The following CCDC178 variants were observed in gnomAD, a reference collection of about 807,000 sequenced individuals.
The protein encoded by CCDC178 is coiled-coil domain containing 178.
Under a neutral mutation model 117.4 loss-of-function variants are expected in CCDC178, and 126 were observed. The ratio of observed to expected loss-of-function variants is 1.07; its 90% CI spans 0.93 to 1.24. CCDC178 has a LOEUF of 1.24. Among genes scored for constraint, CCDC178 ranks in the 50% most tolerant of loss-of-function variants. CCDC178 has a pLI of 0.00. For missense variants in CCDC178, 1,030 were observed against 986.9 expected, an observed-to-expected ratio of 1.04 and a Z score of -0.59; for synonymous variants, 283 against 313.4, an observed-to-expected ratio of 0.90 and a Z score of 1.02.
intron 2 of CCDC178, among the ~76,000 whole-genome samples, chr18:33,416,352 A>G (rs1321345802): frequency 6.6e-6 from 1 of 151,928 alleles, no homozygotes; most frequent in African/African-American, 2.4e-5. Flanking sequence ...GCGTGAACCC[A>G]GACGGCGGAG....
chr18:33,242,407 A>T (rs1405022468), intron 15 of CCDC178, among the ~76,000 whole-genome samples: 3 of 151,890 alleles, frequency 2.0e-5, no homozygotes, highest in Non-Finnish European at 4.4e-5. Flanking sequence ...AACAAATTAC[A>T]TTATATTTAA....
At chr18:33,063,260 T>C (rs2056957746) in intron 21 of CCDC178, among the ~76,000 whole-genome samples, 1 of 152,106 alleles carries the variant, frequency 6.6e-6, no homozygotes, top group Non-Finnish European at 1.5e-5. Flanking sequence ...CCTCTCTGCC[T>C]ATCACCATGG....
At chr18:33,427,158 A>C (rs950601208) in intron 2 of CCDC178, among the ~76,000 whole-genome samples, 29 of 152,242 alleles carry the variant, frequency 1.9e-4, no homozygotes, top group African/African-American at 6.5e-4. Context: ...ATTTCAAAGA[A>C]CAATAAAGAA....
intron 20 of CCDC178, among the ~76,000 whole-genome samples, chr18:33,120,995 C>T (rs1468737043): frequency 7.2e-5 from 11 of 151,866 alleles, no homozygotes; most frequent in Admixed American, 7.2e-4. Context: ...TTTTAAAAGC[C>T]ATATATGAGT....
At chr18:33,018,297 CT>C (rs1282809061) in intron 21 of CCDC178, among the ~76,000 whole-genome samples, 1 of 152,000 alleles carries the variant, frequency 6.6e-6, no homozygotes, top group African/African-American at 2.4e-5. Context: ...AAAATAAAAA[CT>C]GCTGACCAGA....
chr18:33,098,834 G>A lies in CCDC178; in HGVS notation c.2239-5924C>T, dbSNP rs566414380. On this transcript the variant is annotated intron_variant, in intron 20 of 22. Coordinates refer to ENST00000383096, the MANE Select transcript of CCDC178 (RefSeq NM_001105528.4). ...TGGTTAGGCCAGGAATTAAAAAAAG[G>A]ATAAGATATAATTCCTGTTCGCCAA... Among the ~76,000 whole-genome samples the A allele has an allele frequency of 8.5e-5, 13 of 152,080 alleles. 1 individual carries two copies. The South Asian group carries it at 2.7e-3, about 32-fold the overall frequency.
Position 33,412,092 on chromosome 18 carries a change from TATAAGA to T in CCDC178, c.-10_-5del. Reference sequence around the variant, plus strand: ...AAACTGTCTTGTTTTCAGTCATAGTTATAAGAATATTTTAAAACCTAATTAGAAAGA... The same window carrying T: ...AAACTGTCTTGTTTTCAGTCATAGTTATATTTTAAAACCTAATTAGAAAGA... On this transcript the variant is annotated 5_prime_UTR_variant, in exon 3 of 23. Transcript: ENST00000383096. 1 of 1,411,626 alleles carries T rather than the reference TATAAGA, an allele frequency of 7.1e-7. No homozygotes were observed. Among genetic ancestry groups the T allele is most frequent in the Non-Finnish European group, 9.9e-7 (1 of 1,011,964 alleles). The allele number at this position is 1,411,626 out of a possible 1,614,324, so 87.4% of individuals were successfully genotyped here.
At chr18:33,061,615 T>A (rs533830446) in intron 21 of CCDC178, among the ~76,000 whole-genome samples, 1 of 152,334 alleles carries the variant, frequency 6.6e-6, no homozygotes, top group South Asian at 2.1e-4. Flanking sequence ...GCATGGATTA[T>A]ATGGAGACAA....
rs563141890 is a variant in CCDC178, at chr18:33,423,376, C to T, written c.-22-11266G>A. On this transcript the variant is annotated intron_variant, in intron 2 of 22. Coordinates refer to ENST00000383096, the MANE Select transcript of CCDC178 (RefSeq NM_001105528.4). ...AATAATAGTATACTGTAAAAAAATT[C>T]GACATAATATTTTCCTATTTAGGGC... 5.9e-5 allele frequency among the ~76,000 whole-genome samples: 9 copies of T among 152,092 alleles called. 1 individual carries two copies. In the South Asian group the frequency reaches 6.2e-4, roughly 11 times the overall value.
At chr18:33,375,593 A>G (rs541586889) in intron 5 of CCDC178, among the ~76,000 whole-genome samples, 2 of 152,202 alleles carry the variant, frequency 1.3e-5, no homozygotes, top group Non-Finnish European at 2.9e-5. Context: ...AAATACATTC[A>G]CAACAGTAAA....
intron 21 of CCDC178, among the ~76,000 whole-genome samples, chr18:33,022,405 T>C (rs2056140780): frequency 6.6e-6 from 1 of 152,230 alleles, no homozygotes. Flanking sequence ...GCAAAAATTA[T>C]AATGTCTGAT....
At chr18:33,264,729 C>T (rs2059792918) in intron 14 of CCDC178, among the ~76,000 whole-genome samples, 1 of 151,988 alleles carries the variant, frequency 6.6e-6, no homozygotes, top group African/African-American at 2.4e-5. Context: ...TCAGACTTGG[C>T]CATGTGACTT....
intron 14 of CCDC178, among the ~76,000 whole-genome samples, chr18:33,250,610 C>T (rs1460264692): frequency 6.6e-6 from 1 of 151,634 alleles, no homozygotes; most frequent in Non-Finnish European, 1.5e-5. Flanking sequence ...AAGTCAATGT[C>T]TCTGACTATG....
intron 14 of CCDC178, among the ~76,000 whole-genome samples, chr18:33,258,338 A>G (rs955236559): frequency 1.3e-5 from 2 of 152,114 alleles, no homozygotes; most frequent in South Asian, 4.1e-4. Flanking sequence ...TCAGAGCACA[A>G]AGAATTTTTA....
chr18:32,983,383 A>T (rs1338278052), intron 21 of CCDC178: 26 of 1,349,814 alleles, frequency 1.9e-5, no homozygotes, highest in Non-Finnish European at 2.7e-5. Flanking sequence ...AATATTACAA[A>T]TGAAGCCATT....
rs558807442 is a variant in CCDC178, at chr18:33,202,888, C to A, written c.2238+9008G>T. Among the ~76,000 whole-genome samples the A allele has an allele frequency of 5.3e-5, 8 of 152,298 alleles. No individual in the cohort carries two copies. In the East Asian group the frequency reaches 1.5e-3, roughly 29 times the overall value. On this transcript the variant is annotated intron_variant, in intron 20 of 22. Transcript: ENST00000383096. Reference sequence around the variant, plus strand: ...GTGTATCACATTACTAATATAAAAGCACACTTAGATGGAAATTCCTAAATA... The same window carrying A: ...GTGTATCACATTACTAATATAAAAGAACACTTAGATGGAAATTCCTAAATA...
rs188944371 is a variant in CCDC178, at chr18:33,259,585, A to C, written c.1409+7331T>G. ...ATGCCACACACTTTCAAAGAATCAG[A>C]TCTCCTGAGAATTCACTCACTATCA... On this transcript the variant is annotated intron_variant, in intron 14 of 22. Transcript: ENST00000383096. 7.3e-3 allele frequency among the ~76,000 whole-genome samples: 1,109 copies of C among 152,146 alleles called. 13 individuals are homozygous for C. Among genetic ancestry groups the C allele is most frequent in the Middle Eastern group, 6.8e-3 (2 of 294 alleles).
chr18:33,057,353 A>G (rs1193048689), intron 21 of CCDC178, among the ~76,000 whole-genome samples: 4 of 152,220 alleles, frequency 2.6e-5, no homozygotes, highest in Non-Finnish European at 5.9e-5. Flanking sequence ...TTGCTTATGA[A>G]GCATTTAGAA....
chr18:33,283,773 T>C (rs1372905083), intron 12 of CCDC178, among the ~76,000 whole-genome samples: 1 of 152,124 alleles, frequency 6.6e-6, no homozygotes, highest in African/African-American at 2.4e-5. Context: ...CTGGTGAGAT[T>C]GTGGAGAAAA....
Sources: allele counts gnomAD v4.1 joint callset (sites outside exome capture counted in the v4.1 genomes callset), GRCh38; gene constraint gnomAD v4.1.1; transcripts MANE v1.5; gene names NCBI Gene and HGNC (gene_info 2026-07-23, HGNC 2026-07-21).